Variants in AOPEP observed in about 807,000 individuals in gnomAD.
AOPEP encodes the protein aminopeptidase O (putative), also known as aminopeptidase O.
AOPEP carries 77 observed loss-of-function variants against 98.1 expected under a neutral mutation model. That is an observed-to-expected ratio of 0.78 (90% CI 0.65 to 0.95). AOPEP has a LOEUF of 0.95. Among genes scored for constraint, AOPEP ranks in the 40% least tolerant of loss-of-function variants. The pLI, the probability that AOPEP is intolerant of heterozygous loss-of-function variation, is 0.00. For synonymous variants in AOPEP, 346 were observed against 365.3 expected, an observed-to-expected ratio of 0.95 and a Z score of 0.60; for missense variants, 1,024 against 1,024.7, an observed-to-expected ratio of 1.00 and a Z score of 0.01.
chr9:94,936,406 C>T (rs2056285927), intron 7 of AOPEP, among the ~76,000 whole-genome samples: 1 of 152,206 alleles, frequency 6.6e-6, no homozygotes, highest in Non-Finnish European at 1.5e-5. Flanking sequence ...TAAAGGCCAA[C>T]ATAAATTTAT....
At chr9:94,939,725 G>C (rs2056779914) in intron 7 of AOPEP, among the ~76,000 whole-genome samples, 1 of 152,118 alleles carries the variant, frequency 6.6e-6, no homozygotes, top group Non-Finnish European at 1.5e-5. Context: ...ATTACCTTCA[G>C]GCTATGTGTA....
chr9:95,007,579 C>G (rs375227039), intron 13 of AOPEP, among the ~76,000 whole-genome samples: 3 of 152,246 alleles, frequency 2.0e-5, no homozygotes, highest in East Asian at 3.9e-4. Flanking sequence ...TTCAGAACTT[C>G]CTTTCATGGA....
intron 5 of AOPEP, among the ~76,000 whole-genome samples, chr9:94,902,886 T>G (rs1235979021): frequency 6.6e-6 from 1 of 151,834 alleles, no homozygotes; most frequent in Non-Finnish European, 1.5e-5. Context: ...AGAAACCCTG[T>G]CTCTACTAAA....
At chr9:95,083,269 C>T (rs969038310) in intron 16 of AOPEP, among the ~76,000 whole-genome samples, 3 of 151,314 alleles carry the variant, frequency 2.0e-5, no homozygotes, top group Non-Finnish European at 4.4e-5. Context: ...ACAGCACATG[C>T]ACCACACGTA....
chr9:94,890,144 C>T (rs111567286), intron 5 of AOPEP, among the ~76,000 whole-genome samples: 1,698 of 152,090 alleles, frequency 0.011, 28 homozygotes, highest in African/African-American at 0.038. Context: ...TCTCCTGCCT[C>T]AGCCTCCCGA....
chr9:94,863,289 T>C (rs1285660157), intron 5 of AOPEP, among the ~76,000 whole-genome samples: 1 of 147,672 alleles, frequency 6.8e-6, no homozygotes, highest in East Asian at 2.0e-4. Context: ...TCTTTTTTTT[T>C]TTTTTTTTTG....
chr9:94,839,513 A>G (rs182507716), intron 5 of AOPEP, among the ~76,000 whole-genome samples: 15 of 152,004 alleles, frequency 9.9e-5, no homozygotes, highest in Non-Finnish European at 2.2e-4. Flanking sequence ...GTGAGCCACT[A>G]CACCCGGCCT....
chr9:95,148,079 G>C, the AOPEP span, among the ~76,000 whole-genome samples: 2 of 152,176 alleles, frequency 1.3e-5, no homozygotes, highest in African/African-American at 4.8e-5. Context: ...TCAGAGCCGA[G>C]ACAGCCCTCA....
intron 1 of AOPEP, among the ~76,000 whole-genome samples, chr9:94,747,905 G>A (rs1305255733): frequency 3.3e-5 from 5 of 152,022 alleles, no homozygotes; most frequent in Non-Finnish European, 5.9e-5. Flanking sequence ...TATTTTGGAG[G>A]GATGGTTAGT....
At chr9:95,000,123 TA>T (rs918245044) in intron 11 of AOPEP, among the ~76,000 whole-genome samples, 17 of 150,462 alleles carry the variant, frequency 1.1e-4, no homozygotes, top group Non-Finnish European at 2.4e-4. Flanking sequence ...AAAATCCTCC[TA>T]AAAAAAAACA....
intron 13 of AOPEP, among the ~76,000 whole-genome samples, chr9:95,041,632 T>C (rs903239388): frequency 2.0e-5 from 3 of 152,170 alleles, no homozygotes; most frequent in African/African-American, 7.2e-5. Flanking sequence ...GAATATTTCT[T>C]ACCGGCTGTA....
chr9:94,757,559 T>C (rs1263014481), intron 1 of AOPEP, among the ~76,000 whole-genome samples: 1 of 152,250 alleles, frequency 6.6e-6, no homozygotes, highest in African/African-American at 2.4e-5. Context: ...ACAACTGCTC[T>C]GTAGAATATA....
In AOPEP at chr9:94,783,391, T is replaced by G. The variant is rs118032095; in HGVS notation, c.965-9374T>G. 2.4e-3 allele frequency among the ~76,000 whole-genome samples: 363 copies of G among 152,320 alleles called. 1 individual carries two copies. The highest frequency in any genetic ancestry group is 2.4e-3 in the Non-Finnish European group (161 of 68,020). ...GGCCTGACCTGGCACATTGCCCTGG[T>G]TAGGCAATGCTGGTGCCCAGGGCGT... On this transcript the variant is annotated intron_variant, in intron 3 of 16. Coordinates refer to ENST00000375315, the MANE Select transcript of AOPEP (RefSeq NM_001193329.3).
the AOPEP span, chr9:95,110,222 G>A: frequency 1.0e-6 from 1 of 996,784 alleles, no homozygotes; most frequent in Non-Finnish European, 1.2e-6. Context: ...GAACTTTCTA[G>A]AAATTAAGTG....
In AOPEP at chr9:95,048,615, C is replaced by T. The variant is rs572919593; in HGVS notation, c.2116-12079C>T. On this transcript the variant is annotated intron_variant, in intron 13 of 16. Coordinates refer to ENST00000375315, the MANE Select transcript of AOPEP (RefSeq NM_001193329.3). ...CAGGCTCTCCGCCCACGCCTGCCCT[C>T]GGCTCCCAGTCCGCGCTGCCGCCGC... Among the ~76,000 whole-genome samples, 4 of 152,238 alleles carry T rather than the reference C, an allele frequency of 2.6e-5. No homozygotes were observed. The East Asian group carries it at 7.8e-4, about 30-fold the overall frequency.
At chr9:95,079,895 C>T (rs900322454) in intron 14 of AOPEP, among the ~76,000 whole-genome samples, 1 of 152,256 alleles carries the variant, frequency 6.6e-6, no homozygotes, top group Non-Finnish European at 1.5e-5. Context: ...GGGCTTACTC[C>T]TTCCCCAGAC....
chr9:94,954,235 G>A (rs1407232848), intron 7 of AOPEP, among the ~76,000 whole-genome samples: 1 of 152,094 alleles, frequency 6.6e-6, no homozygotes, highest in Non-Finnish European at 1.5e-5. Flanking sequence ...GAAGCAGAAG[G>A]ATCATTTGAG....
At chr9:94,735,118 T>G (rs1412214055) in intron 1 of AOPEP, among the ~76,000 whole-genome samples, 5 of 152,200 alleles carry the variant, frequency 3.3e-5, no homozygotes, top group African/African-American at 1.2e-4. Context: ...CAAGAGTTGG[T>G]TTAAGTAGCT....
At chr9:94,949,599 C>T (rs1464493000) in intron 7 of AOPEP, among the ~76,000 whole-genome samples, 1 of 152,210 alleles carries the variant, frequency 6.6e-6, no homozygotes, top group Non-Finnish European at 1.5e-5. Context: ...TGCTGGGTAG[C>T]TGTTAAATCC....
Sources: gnomAD v4.1 joint callset for allele counts (sites outside exome capture counted in the v4.1 genomes callset) on GRCh38, gnomAD v4.1.1 for gene constraint, MANE v1.5 for transcripts, NCBI Gene and HGNC (gene_info 2026-07-23, HGNC 2026-07-21) for gene names.